The following PPARD variants were observed in gnomAD, a reference collection of about 807,000 sequenced individuals.
PPARD encodes the protein peroxisome proliferator-activated receptor delta.
Under a neutral mutation model 39.5 loss-of-function variants are expected in PPARD, and 6 were observed. The observed-to-expected ratio is 0.15, with a 90% CI of 0.08 to 0.30. PPARD has a LOEUF of 0.30. Among genes scored for constraint, PPARD ranks in the 10% least tolerant of loss-of-function variants. The probability of loss-of-function intolerance (pLI) is 1.00; values close to 1 mark genes in which losing one functional copy is unlikely to be tolerated. For missense variants in PPARD, 397 were observed against 596.8 expected, an observed-to-expected ratio of 0.67 and a Z score of 3.49; for synonymous variants, 210 against 231.3, an observed-to-expected ratio of 0.91 and a Z score of 0.83.
intron 2 of PPARD, among the ~76,000 whole-genome samples, chr6:35,361,463 C>T (rs1761921333): frequency 1.3e-5 from 2 of 152,034 alleles, no homozygotes; most frequent in South Asian, 2.1e-4. Flanking sequence ...ACCTGGGCAA[C>T]GTAGTGAGAC....
At chr6:35,408,791 G>C (rs1031983154) in intron 2 of PPARD, among the ~76,000 whole-genome samples, 1 of 152,162 alleles carries the variant, frequency 6.6e-6, no homozygotes, top group African/African-American at 2.4e-5. Context: ...AAAAAAGTTC[G>C]GTGTTACAGA....
At chr6:35,362,033 A>T (rs565076636) in intron 2 of PPARD, among the ~76,000 whole-genome samples, 1 of 152,366 alleles carries the variant, frequency 6.6e-6, no homozygotes, top group South Asian at 2.1e-4. Context: ...TGATTAGAAA[A>T]TACAGATAAG....
intron 1 of PPARD, among the ~76,000 whole-genome samples, chr6:35,344,997 A>AT (rs1322131055): frequency 6.6e-6 from 1 of 152,106 alleles, no homozygotes; most frequent in Non-Finnish European, 1.5e-5. Flanking sequence ...TGTTGGACAG[A>AT]TTTTTAGTCT....
intron 3 of PPARD, among the ~76,000 whole-genome samples, chr6:35,416,361 C>A (rs963057566): frequency 1.3e-5 from 1 of 76,578 alleles, no homozygotes; most frequent in East Asian, 4.5e-4. Context: ...GGAACAAAAG[C>A]GAGACTTCAT....
At chr6:35,348,420 C>T (rs1165580075) in intron 2 of PPARD, 3 of 985,250 alleles carry the variant, frequency 3.0e-6, no homozygotes, top group Non-Finnish European at 2.4e-6. Flanking sequence ...TTGCTGTTTC[C>T]ATGTTCTCAG....
Position 35,421,833 on chromosome 6 carries a change from G to A in PPARD, c.299G>A (p.Arg100His), listed in dbSNP as rs1482560672. 5 of 1,611,972 alleles carry A rather than the reference G, an allele frequency of 3.1e-6. No homozygotes were observed. Among genetic ancestry groups the A allele is most frequent in the African/African-American group, 1.3e-5 (1 of 74,936 alleles). ...ACEGCKGFFR[R>H]TIRMKLEYEK... ...TTGGTGCTTCAGGGCTTCTTCCGTCGTACGATCCGCATGAAGCTGGAGTAC... is the reference window on the plus strand; with the variant it reads ...TTGGTGCTTCAGGGCTTCTTCCGTCATACGATCCGCATGAAGCTGGAGTAC... The change falls in exon 5 of 8, where the codon CGT (arginine) becomes CAT (histidine). Residue 100 changes from arginine (R) to histidine (H), a missense_variant. By Grantham distance (29) the Arg-to-His change is conservative (BLOSUM62 0). Coordinates refer to ENST00000360694, the MANE Select transcript of PPARD (RefSeq NM_006238.5).
chr6:35,404,399 G>A (rs1005333651), intron 2 of PPARD, among the ~76,000 whole-genome samples: 59 of 152,338 alleles, frequency 3.9e-4, no homozygotes, highest in African/African-American at 1.4e-3. Context: ...GTACTATTGT[G>A]ATGGAGGTGG....
chr6:35,362,033 A>C (rs565076636), intron 2 of PPARD, among the ~76,000 whole-genome samples: 2 of 152,248 alleles, frequency 1.3e-5, no homozygotes, highest in Non-Finnish European at 2.9e-5. Context: ...TGATTAGAAA[A>C]TACAGATAAG....
intron 2 of PPARD, among the ~76,000 whole-genome samples, chr6:35,404,109 G>A (rs554330747): frequency 6.6e-6 from 1 of 152,284 alleles, no homozygotes; most frequent in South Asian, 2.1e-4. Context: ...AGCCCCAGCT[G>A]GGCAAGGACA....
intron 2 of PPARD, among the ~76,000 whole-genome samples, chr6:35,368,450 A>T (rs1225556623): frequency 6.6e-6 from 1 of 152,120 alleles, no homozygotes; most frequent in African/African-American, 2.4e-5. Flanking sequence ...TGGCATATTC[A>T]CCAGGGAGTT....
At chr6:35,368,559 T>A (rs1484380916) in intron 2 of PPARD, among the ~76,000 whole-genome samples, 1 of 152,164 alleles carries the variant, frequency 6.6e-6, no homozygotes, top group Non-Finnish European at 1.5e-5. Context: ...CCCCATTGAT[T>A]TGGGAGTACA....
intron 2 of PPARD, among the ~76,000 whole-genome samples, chr6:35,410,367 GT>G (rs1765347364): frequency 6.6e-6 from 1 of 152,212 alleles, no homozygotes; most frequent in Non-Finnish European, 1.5e-5. Flanking sequence ...CACCCAGTAA[GT>G]TGTCACCTTG....
chr6:35,360,363 C>T (rs1761864956), intron 2 of PPARD, among the ~76,000 whole-genome samples: 2 of 152,322 alleles, frequency 1.3e-5, no homozygotes, highest in East Asian at 1.9e-4. Flanking sequence ...GGGAAATTGC[C>T]TTTATTCATG....
At chr6:35,387,213 C>G (rs1280495974) in intron 2 of PPARD, among the ~76,000 whole-genome samples, 1 of 151,178 alleles carries the variant, frequency 6.6e-6, no homozygotes, top group Non-Finnish European at 1.5e-5. Flanking sequence ...GGTGAGCTCA[C>G]AGGATGTTTT....
chr6:35,386,684 GT>G (rs1301047842), intron 2 of PPARD, among the ~76,000 whole-genome samples: 1 of 152,062 alleles, frequency 6.6e-6, no homozygotes, highest in Non-Finnish European at 1.5e-5. Context: ...GTGGGAGTTT[GT>G]TGATAACCCT....
Position 35,426,020 on chromosome 6 carries a change from A to G in PPARD, c.1267A>G (p.Thr423Ala). The G allele has an allele frequency of 6.2e-7, 1 of 1,613,954 alleles. No homozygotes were observed. Among genetic ancestry groups the G allele is most frequent in the Non-Finnish European group, 8.5e-7 (1 of 1,180,020 alleles). Residue 423 changes from threonine (T) to alanine (A), a missense_variant, in exon 8 of 8, where the codon ACC (threonine) becomes GCC (alanine). Transcript: ENST00000360694. ...CCAGATGATGCAGCGGATCAAGAAG[A>G]CCGAAACCGAGACCTCGCTGCACCC... is the stretch of plus-strand genomic sequence containing the variant. ...HAQMMQRIKK[T>A]ETETSLHPLL...
intron 2 of PPARD, among the ~76,000 whole-genome samples, chr6:35,386,493 AAAC>A (rs1480597028): frequency 1.5e-5 from 2 of 136,468 alleles, no homozygotes; most frequent in Non-Finnish European, 3.0e-5. Context: ...CCCATCTTAA[AAAC>A]AAACAAACAA....
intron 2 of PPARD, among the ~76,000 whole-genome samples, chr6:35,393,258 G>C (rs1764120196): frequency 6.6e-6 from 1 of 152,170 alleles, no homozygotes; most frequent in African/African-American, 2.4e-5. Context: ...CATCTTGGGA[G>C]GGAGAGCCCC....
At chr6:35,398,592 G>GCGTA (rs1167833336) in intron 2 of PPARD, among the ~76,000 whole-genome samples, 1 of 152,210 alleles carries the variant, frequency 6.6e-6, no homozygotes, top group East Asian at 1.9e-4. Flanking sequence ...AAGAGATGGA[G>GCGTA]CGTAGATGGA....
Sources: allele counts gnomAD v4.1 joint callset (sites outside exome capture counted in the v4.1 genomes callset), GRCh38; gene constraint gnomAD v4.1.1; transcripts MANE v1.5; gene names NCBI Gene and HGNC (gene_info 2026-07-23, HGNC 2026-07-21).